Variants in P4HA2 observed in about 807,000 individuals in gnomAD.
The protein encoded by P4HA2 is prolyl 4-hydroxylase subunit alpha-2.
Under a neutral mutation model 76.9 loss-of-function variants are expected in P4HA2, and 46 were observed. The ratio of observed to expected loss-of-function variants is 0.60; its 90% CI spans 0.47 to 0.76. The LOEUF (loss-of-function observed/expected upper bound fraction) is 0.76, where lower values mean the gene tolerates loss of function less well. Ranked by LOEUF, P4HA2 falls within the 30% of genes least tolerant of loss-of-function variation. The probability of loss-of-function intolerance (pLI) is 0.00; values close to 1 mark genes in which losing one functional copy is unlikely to be tolerated. For synonymous variants in P4HA2, 243 were observed against 254.0 expected (o/e 0.96, Z 0.41); for missense variants, 583 against 669.4 (o/e 0.87, Z 1.42).
At chr5:132,223,101 C>T (rs560131645) in intron 1 of P4HA2, among the ~76,000 whole-genome samples, 27 of 152,324 alleles carry the variant, frequency 1.8e-4, no homozygotes, top group African/African-American at 5.8e-4. Context: ...TCCAGGCCCA[C>T]GCCAGAATCT....
At chr5:132,210,208 T>TCCTCTC (rs1364460334) in intron 6 of P4HA2, 76 bp downstream of exon 6, 19 of 1,527,344 alleles carry the variant, frequency 1.2e-5, no homozygotes, top group Non-Finnish European at 1.6e-5. Flanking sequence ...AGGAGAGGGG[T>TCCTCTC]CAGGCAGATG....
Position 132,218,658 on chromosome 5 carries a change from A to G in P4HA2, c.-18-14T>C. On this transcript the variant is annotated splice_polypyrimidine_tract_variant and intron_variant, in intron 1 of 14. Transcript: ENST00000360568. ...AGAGGGAAGTGTCTGAAAGGCATTC[A>G]ATGACAATCACTGGATCAACAAAGT... 5 of 1,502,434 alleles carry G rather than the reference A, an allele frequency of 3.3e-6. No homozygotes were observed. The highest frequency in any genetic ancestry group is 4.6e-6 in the Non-Finnish European group (5 of 1,078,170). 93.1% of individuals were successfully genotyped at this position (1,502,434 alleles called of 1,614,324 possible).
rs536161163 is a variant in P4HA2 at position 132,219,278 on chromosome 5, T to C, written c.-18-634A>G. On this transcript the variant is annotated intron_variant, in intron 1 of 14. Coordinates refer to ENST00000360568, the MANE Select transcript of P4HA2 (RefSeq NM_001017974.2). ...TCTCCTAGGTAGACAGTGTTCTTCC[T>C]GTAGTAAGGCTCCTTGGCAGACACT... 8.0e-4 allele frequency among the ~76,000 whole-genome samples: 122 copies of C among 152,330 alleles called. 1 individual carries two copies. The highest frequency in any genetic ancestry group is 2.5e-3 in the African/African-American group (105 of 41,574).
At position 132,195,355 on chromosome 5, in the gene P4HA2, G is replaced by C. The variant is rs563191720; in HGVS notation, c.1434+57C>G. 6 of 1,300,672 alleles carry C rather than the reference G, an allele frequency of 4.6e-6. No individual in the cohort carries two copies. The African/African-American group carries it at 7.2e-5, about 16-fold the overall frequency. 80.6% of individuals were successfully genotyped at this position (1,300,672 alleles called of 1,614,324 possible). On this transcript the variant is annotated intron_variant, in intron 13 of 14. Transcript: ENST00000360568. ...CCAGGTAATGGTACTGGGGGACATG[G>C]ACAAAGTAAAGTCTGAGCCTTGCTT...
rs200152976 is a variant in P4HA2, at chr5:132,213,885, G to A, written c.469+31C>T. 429 of 1,610,860 alleles carry A rather than the reference G, an allele frequency of 2.7e-4. 4 individuals are homozygous for A. In the South Asian group the frequency reaches 3.9e-3, roughly 15 times the overall value. On this transcript the variant is annotated intron_variant, in intron 5 of 14. Transcript: ENST00000360568. ...GTCCCGCCACTAAAGAGACACATGC[G>A]GGACAGGCAACGCCTGGAGTGGTGA...
intron 1 of P4HA2, among the ~76,000 whole-genome samples, chr5:132,225,064 A>AAC (rs1222737416): frequency 3.3e-5 from 5 of 151,866 alleles, no homozygotes; most frequent in African/African-American, 1.2e-4. Flanking sequence ...AAAAAAAAAA[A>AAC]AAAAACTGTC....
chr5:132,201,820 G>A (rs1444797258), intron 10 of P4HA2: 1 of 152,222 alleles, frequency 6.6e-6, no homozygotes, highest in Non-Finnish European at 1.5e-5. Context: ...GTGAGTGTAA[G>A]ACAGGGATAC....
At chr5:132,219,350 C>T (rs1200316410) in intron 1 of P4HA2, among the ~76,000 whole-genome samples, 1 of 152,194 alleles carries the variant, frequency 6.6e-6, no homozygotes, top group Non-Finnish European at 1.5e-5. Context: ...TTACTGAAGA[C>T]CTGCAGATGC....
At chr5:132,223,882 T>C (rs1257140435) in intron 1 of P4HA2, among the ~76,000 whole-genome samples, 1 of 152,214 alleles carries the variant, frequency 6.6e-6, no homozygotes, top group Middle Eastern at 3.2e-3. Context: ...CTCTGCTAGA[T>C]ATTGCAGCTA....
chr5:132,226,217 C>A (rs1266411012), intron 1 of P4HA2, among the ~76,000 whole-genome samples: 1 of 152,070 alleles, frequency 6.6e-6, no homozygotes, highest in Non-Finnish European at 1.5e-5. Context: ...AGCAGCAGAC[C>A]CCAAAAACAT....
Position 132,195,025 on chromosome 5 carries a change from G to A in P4HA2, c.1435-3C>T. On this transcript the variant is annotated splice_region_variant and splice_polypyrimidine_tract_variant and intron_variant, in intron 13 of 14. Transcript: ENST00000360568. ...TTGTACCAGAACACAGCTGTACCCT[G>A]GGAAAGAGATGGCCTTTCAGAACAC... The A allele has an allele frequency of 6.3e-7, 1 of 1,599,694 alleles. No individual in the cohort carries two copies. Among genetic ancestry groups the A allele is most frequent in the Non-Finnish European group, 8.6e-7 (1 of 1,166,764 alleles).
At chr5:132,209,729 C>A (rs1462166420) in intron 6 of P4HA2, among the ~76,000 whole-genome samples, 1 of 140,804 alleles carries the variant, frequency 7.1e-6, no homozygotes, top group Non-Finnish European at 1.5e-5. Context: ...GAGCTGAGAT[C>A]GTGCCACTGC....
chr5:132,202,203 G>C (rs1279925261), intron 10 of P4HA2: 2 of 151,982 alleles, frequency 1.3e-5, no homozygotes, highest in African/African-American at 4.8e-5. Flanking sequence ...ACACTAAGTT[G>C]AGCTGAACTG....
Position 132,213,676 on chromosome 5 carries a change from C to A in P4HA2, c.469+240G>T, listed in dbSNP as rs560630551. Among the ~76,000 whole-genome samples the A allele has an allele frequency of 2.6e-5, 4 of 152,254 alleles. No individual in the cohort carries two copies. In the East Asian group the frequency reaches 7.7e-4, roughly 29 times the overall value. ...CGTGGAGGGGGTTCCTGAGCAGCAA[C>A]TTTGGCTTTCTCTGAGATGCAAGAG... On this transcript the variant is annotated intron_variant, in intron 5 of 14. Transcript: ENST00000360568.
chr5:132,219,965 T>C (rs1376936417), intron 1 of P4HA2, among the ~76,000 whole-genome samples: 6 of 152,242 alleles, frequency 3.9e-5, no homozygotes, highest in Admixed American at 3.3e-4. Flanking sequence ...TTCATGCCTA[T>C]GCCAAATGTC....
chr5:132,216,975 A>G (rs1340617504), intron 4 of P4HA2, among the ~76,000 whole-genome samples: 3 of 152,182 alleles, frequency 2.0e-5, no homozygotes, highest in African/African-American at 7.2e-5. Context: ...TAAAAAAAAG[A>G]CGCTAAAAAA....
At position 132,198,874 on chromosome 5, in the gene P4HA2, C is replaced by T; in HGVS notation, c.1305+5G>A. 6.2e-7 allele frequency: 1 copy of T among 1,607,240 alleles called. No individual in the cohort carries two copies. The highest frequency in any genetic ancestry group is 8.5e-7 in the Non-Finnish European group (1 of 1,173,708). ...CTTTGAAAGCACCTGTGATTTAGGC[C>T]TTACCCTAGAGAAGTCGAAGTGCGG... On this transcript the variant is annotated splice_donor_5th_base_variant and intron_variant, in intron 11 of 14. Coordinates refer to ENST00000360568, the MANE Select transcript of P4HA2 (RefSeq NM_001017974.2).
At chr5:132,221,524 C>G (rs947119842) in intron 1 of P4HA2, among the ~76,000 whole-genome samples, 2 of 152,104 alleles carry the variant, frequency 1.3e-5, no homozygotes, top group Admixed American at 6.5e-5. Context: ...ATGAAGAGAT[C>G]TAAGCATACT....
rs562690388 is a variant in P4HA2, at chr5:132,216,358, G to A, written c.331+839C>T. Among the ~76,000 whole-genome samples the A allele has an allele frequency of 2.1e-4, 32 of 151,990 alleles. 1 individual carries two copies. The highest frequency in any genetic ancestry group is 3.4e-3 in the Middle Eastern group (1 of 292). ...CTTTTAAAAAGTTCACACTCTCATC[G>A]GTAATATCACTTCTAGGAACTTACC... On this transcript the variant is annotated intron_variant, in intron 4 of 14. Transcript: ENST00000360568.
Sources: gnomAD v4.1 joint callset for allele counts (sites outside exome capture counted in the v4.1 genomes callset) on GRCh38, gnomAD v4.1.1 for gene constraint, MANE v1.5 for transcripts, NCBI Gene and HGNC (gene_info 2026-07-23, HGNC 2026-07-21) for gene names.